Variants in PLEKHA5 observed in about 807,000 individuals in gnomAD.
PLEKHA5 encodes the protein pleckstrin homology domain containing A5, also known as pleckstrin homology domain-containing family A member 5.
Under a neutral mutation model 181.9 loss-of-function variants are expected in PLEKHA5, and 55 were observed. That is an observed-to-expected ratio of 0.30 (90% confidence interval 0.24 to 0.38). The LOEUF (loss-of-function observed/expected upper bound fraction) is 0.38, where lower values mean the gene tolerates loss of function less well. Among genes scored for constraint, PLEKHA5 ranks in the 10% least tolerant of loss-of-function variants. The pLI, the probability that PLEKHA5 is intolerant of heterozygous loss-of-function variation, is 1.00. For missense variants in PLEKHA5, 1,432 were observed against 1,549.5 expected (o/e 0.92, Z 1.27); for synonymous variants, 535 against 529.4 (o/e 1.01, Z -0.15).
At chr12:19,303,222 A>G (rs2082118665) in intron 15 of PLEKHA5, among the ~76,000 whole-genome samples, 1 of 151,750 alleles carries the variant, frequency 6.6e-6, no homozygotes, top group Admixed American at 6.6e-5. Context: ...TATTATATAA[A>G]CTTTTAAGAG....
rs1402621673 is a variant in PLEKHA5 at position 19,322,291 on chromosome 12, A to C, written c.2218-19A>C. 6.4e-7 allele frequency: 1 copy of C among 1,561,278 alleles called. No individual in the cohort carries two copies. The highest frequency in any genetic ancestry group is 8.8e-7 in the Non-Finnish European group (1 of 1,133,792). Reference sequence around the variant, plus strand: ...AAAAATAAAAAATTGCTAACAAGACATCTTCTCTTATAACCTAGGCCAAGT... The same window carrying C: ...AAAAATAAAAAATTGCTAACAAGACCTCTTCTCTTATAACCTAGGCCAAGT... On this transcript the variant is annotated intron_variant, in intron 18 of 31. Transcript: ENST00000429027.
At chr12:19,255,225 C>A in intron 5 of PLEKHA5, 60 bp downstream of exon 5, 1 of 997,806 alleles carries the variant, frequency 1.0e-6, no homozygotes, top group Non-Finnish European at 1.4e-6. Context: ...TATACCGTTA[C>A]TCATAATGGA....
Position 19,347,005 on chromosome 12 carries a change from A to T in PLEKHA5, c.2721A>T (p.Val907=), listed in dbSNP as rs2094366457. The T allele has an allele frequency of 6.5e-7, 1 of 1,547,042 alleles. No homozygotes were observed. ...TCTACAATCTTTAGGAAGAGGAAGT[A>T]GTCCCACCTCGTCCTCCACTTCCTC... ...TVKYKNEEEE[V]VPPRPPLPRS... The change falls in exon 24 of 32, where the codon GTA becomes GTT. Residue 907 remains valine, a synonymous_variant. Coordinates refer to ENST00000429027, the MANE Select transcript of PLEKHA5 (RefSeq NM_001256470.2).
intron 3 of PLEKHA5, among the ~76,000 whole-genome samples, chr12:19,206,712 T>A (rs570079951): frequency 2.6e-5 from 4 of 152,204 alleles, no homozygotes; most frequent in African/African-American, 9.6e-5. Context: ...TTGGCACATA[T>A]GAAGGAGGTG....
chr12:19,292,733 A>G (rs568075429), intron 15 of PLEKHA5, among the ~76,000 whole-genome samples: 30 of 152,154 alleles, frequency 2.0e-4, no homozygotes, highest in Non-Finnish European at 5.9e-5. Flanking sequence ...AAGGTCAGGA[A>G]TTTGAGACCA....
Position 19,319,925 on chromosome 12 carries a change from A to C in PLEKHA5, c.2119-96A>C, listed in dbSNP as rs929833354. On this transcript the variant is annotated intron_variant, in intron 16 of 31. Coordinates refer to ENST00000429027, the MANE Select transcript of PLEKHA5 (RefSeq NM_001256470.2). ...CATAAACTTTTTATGAAATTTGACTATCCATAGTTTATAACATAGGCTTTC... is the reference window on the plus strand; with the variant it reads ...CATAAACTTTTTATGAAATTTGACTCTCCATAGTTTATAACATAGGCTTTC... 8.4e-6 allele frequency: 6 copies of C among 717,988 alleles called. No homozygotes were observed. The East Asian group carries it at 1.3e-4, about 15-fold the overall frequency. The allele number at this position is 717,988 out of a possible 1,614,324, so 44.5% of individuals were successfully genotyped here. A position where few individuals can be genotyped will look rare whatever the true frequency, so the allele number is the denominator to read the frequency against.
At chr12:19,133,071 C>T (rs2034496320) in intron 3 of PLEKHA5, among the ~76,000 whole-genome samples, 1 of 151,684 alleles carries the variant, frequency 6.6e-6, no homozygotes, top group African/African-American at 2.4e-5. Context: ...CTGAATATTT[C>T]ATGAGCATAT....
At chr12:19,177,651 G>A (rs1287807111) in intron 3 of PLEKHA5, among the ~76,000 whole-genome samples, 1 of 152,216 alleles carries the variant, frequency 6.6e-6, no homozygotes. Context: ...CACACCAAGA[G>A]TTGACCTGGA....
intron 20 of PLEKHA5, among the ~76,000 whole-genome samples, chr12:19,335,214 G>A (rs1326268383): frequency 3.3e-5 from 5 of 150,592 alleles, no homozygotes; most frequent in Admixed American, 1.3e-4. Flanking sequence ...GTATTTTTTC[G>A]TAGAGATGGG....
chr12:19,316,724 G>T (rs1326909332), intron 16 of PLEKHA5, among the ~76,000 whole-genome samples: 1 of 152,042 alleles, frequency 6.6e-6, no homozygotes, highest in African/African-American at 2.4e-5. Context: ...ATTAAGCAGG[G>T]CATCCTTAAT....
At chr12:19,259,235 G>A (rs2067692686) in intron 6 of PLEKHA5, among the ~76,000 whole-genome samples, 1 of 151,878 alleles carries the variant, frequency 6.6e-6, no homozygotes, top group Non-Finnish European at 1.5e-5. Flanking sequence ...TGGTGTGGTG[G>A]TGTGCATCTG....
intron 3 of PLEKHA5, among the ~76,000 whole-genome samples, chr12:19,195,301 ATTTCTTTTC>A (rs924145257): frequency 6.6e-6 from 1 of 151,372 alleles, no homozygotes; most frequent in African/African-American, 2.4e-5. Context: ...TTTTCCCCCC[ATTTCTTTTC>A]TTTCTTTTTA....
intron 20 of PLEKHA5, among the ~76,000 whole-genome samples, chr12:19,326,647 G>A (rs1565620457): frequency 6.6e-6 from 1 of 152,152 alleles, no homozygotes; most frequent in Non-Finnish European, 1.5e-5. Context: ...GTGTGATGCT[G>A]AGGTTTGGAG....
At chr12:19,289,462 C>T (rs2077923622) in intron 13 of PLEKHA5, among the ~76,000 whole-genome samples, 1 of 148,688 alleles carries the variant, frequency 6.7e-6, no homozygotes, top group Admixed American at 6.7e-5. Context: ...CTTGGGAATA[C>T]TTTTTAGCCT....
chr12:19,341,432 A>C (rs983952931), intron 21 of PLEKHA5, among the ~76,000 whole-genome samples: 1 of 152,132 alleles, frequency 6.6e-6, no homozygotes, highest in Admixed American at 6.5e-5. Context: ...AAAGTAATAC[A>C]TGTTGTATAT....
intron 3 of PLEKHA5, among the ~76,000 whole-genome samples, chr12:19,185,084 C>T: frequency 6.6e-6 from 1 of 151,734 alleles, no homozygotes; most frequent in East Asian, 1.9e-4. Context: ...TGTACTTCTT[C>T]TCTATACCTT....
intron 3 of PLEKHA5, among the ~76,000 whole-genome samples, chr12:19,189,641 G>A (rs1320616059): frequency 6.6e-6 from 1 of 152,134 alleles, no homozygotes; most frequent in Non-Finnish European, 1.5e-5. Context: ...TTTCAGGCAG[G>A]AAGTTTGGTA....
intron 26 of PLEKHA5, among the ~76,000 whole-genome samples, chr12:19,357,894 G>A (rs144374077): frequency 0.019 from 2,838 of 151,744 alleles, 42 homozygotes; most frequent in Admixed American, 0.04. Context: ...CCCACCTCAG[G>A]GTCCCAAAGT....
chr12:19,142,329 A>G (rs567898245), intron 3 of PLEKHA5, among the ~76,000 whole-genome samples: 1 of 152,324 alleles, frequency 6.6e-6, no homozygotes, highest in East Asian at 1.9e-4. Context: ...TGATCATGCC[A>G]CTGCACTTCA....
Sources: gnomAD v4.1 joint callset for allele counts (sites outside exome capture counted in the v4.1 genomes callset) on GRCh38, gnomAD v4.1.1 for gene constraint, MANE v1.5 for transcripts, NCBI Gene and HGNC (gene_info 2026-07-23, HGNC 2026-07-21) for gene names.